PDE3A: variants seen among roughly 807,000 people sequenced by gnomAD.
The protein encoded by PDE3A is phosphodiesterase 3A.
Under a neutral mutation model 98.3 loss-of-function variants are expected in PDE3A, and 43 were observed. That is an observed-to-expected ratio of 0.44 (90% CI 0.34 to 0.56). The LOEUF (loss-of-function observed/expected upper bound fraction) is 0.56, where lower values mean the gene tolerates loss of function less well. PDE3A is among the 20% of genes least tolerant of loss of function. The pLI is 0.01. For synonymous variants in PDE3A, 663 were observed against 567.9 expected (o/e 1.17, Z -2.38); for missense variants, 1,427 against 1,440.7 (o/e 0.99, Z 0.15).
intron 1 of PDE3A, among the ~76,000 whole-genome samples, chr12:20,483,988 T>C (rs113358070): frequency 0.03 from 4,606 of 152,328 alleles, 239 homozygotes; most frequent in African/African-American, 0.11. Flanking sequence ...CTGGTTCCTT[T>C]ACTCCTCCCA....
At chr12:20,508,640 A>G (rs1946160904) in intron 1 of PDE3A, among the ~76,000 whole-genome samples, 1 of 151,978 alleles carries the variant, frequency 6.6e-6, no homozygotes, top group African/African-American at 2.4e-5. Flanking sequence ...AAATTTGGCA[A>G]ACAACTTGAA....
At chr12:20,374,189 G>A (rs771622870) in intron 1 of PDE3A, among the ~76,000 whole-genome samples, 1 of 151,978 alleles carries the variant, frequency 6.6e-6, no homozygotes. Flanking sequence ...CCTTGGGAAA[G>A]GTGAAGGAAA....
intron 1 of PDE3A, among the ~76,000 whole-genome samples, chr12:20,459,186 A>T (rs1945204922): frequency 6.6e-6 from 1 of 152,174 alleles, no homozygotes; most frequent in South Asian, 2.1e-4. Context: ...TGTTTAAACA[A>T]AAGGAAAGAA....
In PDE3A at chr12:20,369,210, T is replaced by TGTGC. The variant is rs1555138234; in HGVS notation, c.-74_-73insTGCG. ...GCGTGCGTGTGTGTGTGTGTGTGTG[T>TGTGC]GCGCGCGCGCGCGTGGGTCGGGGCG... is the stretch of plus-strand genomic sequence containing the variant. On this transcript the variant is annotated 5_prime_UTR_variant, in exon 1 of 16. Transcript: ENST00000359062. 65 of 807,724 alleles carry TGTGC rather than the reference T, an allele frequency of 8.0e-5. No homozygotes were observed. Among genetic ancestry groups the TGTGC allele is most frequent in the Admixed American group, 1.6e-4 (5 of 31,624 alleles). The allele number at this position is 807,724 out of a possible 1,614,324, so 50.0% of individuals were successfully genotyped here. A position where few individuals can be genotyped will look rare whatever the true frequency, so the allele number is the denominator to read the frequency against.
chr12:20,448,411 A>C (rs1203052942), intron 1 of PDE3A, among the ~76,000 whole-genome samples: 1 of 152,182 alleles, frequency 6.6e-6, no homozygotes, highest in Non-Finnish European at 1.5e-5. Flanking sequence ...AATGCACAAC[A>C]GCCTGGGCAA....
chr12:20,657,324 T>A (rs1945066050), intron 15 of PDE3A, among the ~76,000 whole-genome samples: 2 of 152,190 alleles, frequency 1.3e-5, no homozygotes, highest in Non-Finnish European at 2.9e-5. Context: ...TCTTAATTTT[T>A]AACTTCAATG....
intron 1 of PDE3A, among the ~76,000 whole-genome samples, chr12:20,472,640 G>A (rs925558636): frequency 1.3e-5 from 2 of 152,028 alleles, no homozygotes; most frequent in African/African-American, 4.8e-5. Context: ...GAAAAAAACA[G>A]TAAGTAGCTA....
At chr12:20,551,395 A>T (rs532140609) in intron 1 of PDE3A, among the ~76,000 whole-genome samples, 2 of 126,798 alleles carry the variant, frequency 1.6e-5, no homozygotes, top group Admixed American at 7.6e-5. Context: ...CTTTTGTAAT[A>T]AAAAAAAAAA....
intron 15 of PDE3A, among the ~76,000 whole-genome samples, chr12:20,675,728 T>C (rs1945619086): frequency 2.0e-5 from 3 of 152,218 alleles, no homozygotes; most frequent in Admixed American, 1.3e-4. Context: ...GTCTTCTTTT[T>C]ACTGTTTTGA....
Position 20,553,698 on chromosome 12 carries a change from G to A in PDE3A, c.961-2962G>A, listed in dbSNP as rs1461244510. On this transcript the variant is annotated intron_variant, in intron 1 of 15. Transcript: ENST00000359062. ...GCAGAAATGGCCTCAAGGGGACTCC[G>A]CTCCACGTGGGGCCAGGCGTGTGGC... Among the ~76,000 whole-genome samples, 3 of 152,364 alleles carry A rather than the reference G, an allele frequency of 2.0e-5. 1 individual carries two copies. The highest frequency in any genetic ancestry group is 7.2e-5 in the African/African-American group (3 of 41,586).
intron 1 of PDE3A, chr12:20,551,921 G>C: frequency 1.2e-6 from 2 of 1,613,316 alleles, no homozygotes; most frequent in Non-Finnish European, 1.7e-6. Context: ...ACCATGTGGC[G>C]GTTCCGAGTC....
At chr12:20,479,988 A>G (rs12423022) in intron 1 of PDE3A, among the ~76,000 whole-genome samples, 34,683 of 152,104 alleles carry the variant, frequency 0.23, 4,452 homozygotes, top group Non-Finnish European at 0.29. Flanking sequence ...TCTTTTTCTG[A>G]GTTCTTTTCA....
intron 1 of PDE3A, among the ~76,000 whole-genome samples, chr12:20,408,064 G>T (rs1447943997): frequency 1.3e-5 from 2 of 151,998 alleles, no homozygotes; most frequent in Non-Finnish European, 2.9e-5. Context: ...GGGACTACAG[G>T]TGCGCGCCAC....
chr12:20,507,059 G>A (rs185635833), intron 1 of PDE3A, among the ~76,000 whole-genome samples: 359 of 152,026 alleles, frequency 2.4e-3, no homozygotes, highest in Non-Finnish European at 4.1e-3. Flanking sequence ...TTCACATAAA[G>A]GGTATTTATT....
chr12:20,420,403 A>G (rs778023601), intron 1 of PDE3A, among the ~76,000 whole-genome samples: 7 of 152,136 alleles, frequency 4.6e-5, no homozygotes, highest in Non-Finnish European at 1.0e-4. Flanking sequence ...TAACACAAGA[A>G]TGGTCTGAGT....
chr12:20,495,186 C>T (rs1346217451), intron 1 of PDE3A, among the ~76,000 whole-genome samples: 1 of 151,920 alleles, frequency 6.6e-6, no homozygotes, highest in African/African-American at 2.4e-5. Flanking sequence ...TTCTGCTATC[C>T]TCTTCTTTCC....
rs1283670500 is a variant in PDE3A at position 20,682,223 on chromosome 12, CTG to C, written c.*1954_*1955del. Reference sequence around the variant, plus strand: ...AGTTGGTGTCCATTTCTTTCCAACACTGTTTGTTATGATTCTTCCTTGAGTAC... The same window carrying C: ...AGTTGGTGTCCATTTCTTTCCAACACTTTGTTATGATTCTTCCTTGAGTAC... On this transcript the variant is annotated 3_prime_UTR_variant, in exon 16 of 16. Coordinates refer to ENST00000359062, the MANE Select transcript of PDE3A (RefSeq NM_000921.5). 3.9e-5 allele frequency: 6 copies of C among 152,300 alleles called. No homozygotes were observed. The highest frequency in any genetic ancestry group is 3.9e-4 in the Admixed American group (6 of 15,288). The allele number at this position is 152,300 out of a possible 1,614,324, so 9.4% of individuals were successfully genotyped here. A position where few individuals can be genotyped will look rare whatever the true frequency, so the allele number is the denominator to read the frequency against.
intron 2 of PDE3A, among the ~76,000 whole-genome samples, chr12:20,593,081 T>C (rs1451635555): frequency 6.6e-6 from 1 of 152,192 alleles, no homozygotes; most frequent in Non-Finnish European, 1.5e-5. Flanking sequence ...AACAAAGTAC[T>C]ATGGAGACTT....
At chr12:20,678,474 T>C (rs567199078) in intron 15 of PDE3A, among the ~76,000 whole-genome samples, 1 of 152,280 alleles carries the variant, frequency 6.6e-6, no homozygotes, top group East Asian at 1.9e-4. Flanking sequence ...TATGCTAAGG[T>C]AGAACCTTTT....
Sources: allele counts gnomAD v4.1 joint callset (sites outside exome capture counted in the v4.1 genomes callset), GRCh38; gene constraint gnomAD v4.1.1; transcripts MANE v1.5; gene names NCBI Gene and HGNC (gene_info 2026-07-23, HGNC 2026-07-21).